Variants in FAF1 observed in about 807,000 individuals in gnomAD.
FAF1 encodes Fas associated factor 1, also known as FAS-associated factor 1.
Under a neutral mutation model 92.5 loss-of-function variants are expected in FAF1, and 25 were observed. The observed-to-expected ratio is 0.27, with a 90% CI of 0.20 to 0.38. FAF1 has a LOEUF of 0.38. Ranked by LOEUF, FAF1 falls within the 10% of genes least tolerant of loss-of-function variation. FAF1 has a pLI of 1.00. For missense variants in FAF1, 636 were observed against 793.3 expected, an observed-to-expected ratio of 0.80 and a Z score of 2.38; for synonymous variants, 234 against 273.2, an observed-to-expected ratio of 0.86 and a Z score of 1.42.
At chr1:50,955,174 A>G (rs981450701) in intron 1 of FAF1, among the ~76,000 whole-genome samples, 1 of 152,256 alleles carries the variant, frequency 6.6e-6, no homozygotes, top group African/African-American at 2.4e-5. Context: ...TCTCTACTTC[A>G]GCCTAAAAAA....
intron 7 of FAF1, among the ~76,000 whole-genome samples, chr1:50,686,868 G>A (rs1045302333): frequency 1.3e-5 from 2 of 151,840 alleles, no homozygotes; most frequent in East Asian, 1.9e-4. Flanking sequence ...ACATTCTGTC[G>A]CCCACGCTGG....
intron 2 of FAF1, among the ~76,000 whole-genome samples, chr1:50,830,936 A>T (rs2124631816): frequency 6.6e-6 from 1 of 152,316 alleles, no homozygotes; most frequent in East Asian, 1.9e-4. Flanking sequence ...TTTGTAAAAG[A>T]GTATAATGAA....
intron 7 of FAF1, among the ~76,000 whole-genome samples, chr1:50,694,001 A>T (rs1569780710): frequency 1.5e-5 from 1 of 65,332 alleles, no homozygotes; most frequent in Non-Finnish European, 3.3e-5. Flanking sequence ...ATGTGTCATT[A>T]TATATATACA....
At chr1:50,455,997 C>A (rs1161311103) in intron 18 of FAF1, among the ~76,000 whole-genome samples, 1 of 151,976 alleles carries the variant, frequency 6.6e-6, no homozygotes, top group African/African-American at 2.4e-5. Flanking sequence ...ATCGCTTGAG[C>A]CTGGGAGGCG....
intron 13 of FAF1, among the ~76,000 whole-genome samples, chr1:50,550,315 C>T (rs1289957608): frequency 6.9e-6 from 1 of 145,462 alleles, no homozygotes; most frequent in Non-Finnish European, 1.5e-5. Flanking sequence ...CGCGCCCCTG[C>T]ACTCCAGCCT....
intron 9 of FAF1, among the ~76,000 whole-genome samples, chr1:50,591,344 G>A (rs977508475): frequency 6.6e-6 from 1 of 152,122 alleles, no homozygotes; most frequent in African/African-American, 2.4e-5. Flanking sequence ...ACTAAACTGT[G>A]TATTTGTGGG....
intron 10 of FAF1, 119 bp downstream of exon 10, chr1:50,584,566 T>C: frequency 2.1e-6 from 2 of 954,562 alleles, no homozygotes; most frequent in Non-Finnish European, 3.1e-6. Flanking sequence ...TACTCTCTAT[T>C]ATCTTATCTC....
intron 6 of FAF1, among the ~76,000 whole-genome samples, chr1:50,721,328 C>A (rs1230808222): frequency 6.6e-6 from 1 of 152,098 alleles, no homozygotes; most frequent in Non-Finnish European, 1.5e-5. Context: ...AATTCTCCTG[C>A]CTCAGCCTCC....
intron 8 of FAF1, among the ~76,000 whole-genome samples, chr1:50,611,677 T>C (rs1306890695): frequency 6.6e-6 from 1 of 152,246 alleles, no homozygotes; most frequent in East Asian, 1.9e-4. Flanking sequence ...GTCTGAGAAA[T>C]ATGTCCACAT....
At chr1:50,912,580 A>C (rs530114087) in intron 1 of FAF1, among the ~76,000 whole-genome samples, 94 of 152,272 alleles carry the variant, frequency 6.2e-4, no homozygotes, top group African/African-American at 2.2e-3. Flanking sequence ...TAACATCATT[A>C]CTCTGGTTAT....
At chr1:50,704,687 T>A (rs1657601830) in intron 7 of FAF1, among the ~76,000 whole-genome samples, 1 of 152,092 alleles carries the variant, frequency 6.6e-6, no homozygotes. Flanking sequence ...GAAAAAAAAT[T>A]AAATAACGCA....
intron 6 of FAF1, among the ~76,000 whole-genome samples, chr1:50,726,378 T>C (rs1305546632): frequency 6.6e-6 from 1 of 152,170 alleles, no homozygotes; most frequent in African/African-American, 2.4e-5. Context: ...CCCTATTTTC[T>C]GTCACACCTT....
chr1:50,953,811 G>C (rs1233882380), intron 1 of FAF1, among the ~76,000 whole-genome samples: 3 of 152,110 alleles, frequency 2.0e-5, no homozygotes, highest in Non-Finnish European at 2.9e-5. Flanking sequence ...TAGCTGAAAA[G>C]ACTAGGGGTG....
At chr1:50,858,101 G>C in intron 1 of FAF1, 104 bp from the exon 2 acceptor site, 2 of 721,074 alleles carry the variant, frequency 2.8e-6, no homozygotes, top group Non-Finnish European at 4.5e-6. Flanking sequence ...AATTCAAATA[G>C]GTATATGAAT....
intron 1 of FAF1, among the ~76,000 whole-genome samples, chr1:50,946,425 A>T (rs2124758328): frequency 6.6e-6 from 1 of 152,328 alleles, no homozygotes; most frequent in South Asian, 2.1e-4. Context: ...TCTCGTCATT[A>T]ATAGGCAATA....
intron 1 of FAF1, among the ~76,000 whole-genome samples, chr1:50,919,489 A>T (rs1306962747): frequency 2.1e-5 from 3 of 143,686 alleles, no homozygotes; most frequent in Non-Finnish European, 3.1e-5. Flanking sequence ...AAATAGAAGA[A>T]TTTTTTTTTT....
At chr1:50,856,644 A>G (rs1258921847) in intron 2 of FAF1, among the ~76,000 whole-genome samples, 1 of 151,816 alleles carries the variant, frequency 6.6e-6, no homozygotes, top group East Asian at 1.9e-4. Context: ...AAAAGTATTC[A>G]AAACTCCAAA....
intron 3 of FAF1, among the ~76,000 whole-genome samples, chr1:50,800,208 G>A (rs1661934693): frequency 6.6e-6 from 1 of 152,100 alleles, no homozygotes. Flanking sequence ...ATGTTTCCAG[G>A]GGAGAAGAAG....
intron 1 of FAF1, among the ~76,000 whole-genome samples, chr1:50,949,280 C>A (rs997759296): frequency 5.3e-5 from 8 of 152,210 alleles, no homozygotes; most frequent in African/African-American, 1.9e-4. Context: ...TATTCTGATG[C>A]AAACTAAAGT....
Sources: allele counts gnomAD v4.1 joint callset (sites outside exome capture counted in the v4.1 genomes callset), GRCh38; gene constraint gnomAD v4.1.1; transcripts MANE v1.5; gene names NCBI Gene and HGNC (gene_info 2026-07-23, HGNC 2026-07-21).